Variants in CDH1 observed in about 807,000 individuals in gnomAD.
CDH1 encodes cadherin-1.
In CDH1, 35 loss-of-function variants were observed where a neutral mutation model predicts 84.5. That is an observed-to-expected ratio of 0.41 (90% CI 0.32 to 0.55). The LOEUF (loss-of-function observed/expected upper bound fraction) is 0.55. Ranked by LOEUF, CDH1 falls within the 20% of genes least tolerant of loss-of-function variation. The pLI, the probability that CDH1 is intolerant of heterozygous loss-of-function variation, is 0.19. For missense variants in CDH1, 994 were observed against 1,126.6 expected, an observed-to-expected ratio of 0.88 and a Z score of 1.68; for synonymous variants, 417 against 439.0, an observed-to-expected ratio of 0.95 and a Z score of 0.63.
intron 2 of CDH1, among the ~76,000 whole-genome samples, chr16:68,752,623 A>G (rs1962913342): frequency 6.6e-6 from 1 of 152,072 alleles, no homozygotes; most frequent in South Asian, 2.1e-4. Context: ...GGCTTTATGT[A>G]TTAGCCACAG....
At chr16:68,803,187 T>G (rs1023858774) in intron 3 of CDH1, among the ~76,000 whole-genome samples, 9 of 152,192 alleles carry the variant, frequency 5.9e-5, no homozygotes, top group East Asian at 3.8e-4. Context: ...CTGAAGACTC[T>G]TGATATTCTT....
chr16:68,821,936 G>T (rs980163774), intron 11 of CDH1, 65 bp from the exon 12 acceptor site: 1 of 1,276,412 alleles, frequency 7.8e-7, no homozygotes, highest in Non-Finnish European at 1.1e-6. Flanking sequence ...ACTTGGTCTG[G>T]TGGAAGGCAA....
rs889358029 is a variant in CDH1, at chr16:68,823,992, C to CTTT, written c.2164+386_2164+388dup. On this transcript the variant is annotated intron_variant, in intron 13 of 15. Coordinates refer to ENST00000261769, the MANE Select transcript of CDH1 (RefSeq NM_004360.5). ...GCATAGGGCCACAGATTCTGCATTT[C>CTTT]TTTTTTTTTTTTTTTTTTTTTTGAG... Among the ~76,000 whole-genome samples, 360 of 99,864 alleles carry CTTT rather than the reference C, an allele frequency of 3.6e-3. 22 individuals are homozygous for CTTT. The highest frequency in any genetic ancestry group is 0.013 in the African/African-American group (302 of 23,902). The allele number at this position is 99,864 out of a possible 152,430, so 65.5% of individuals were successfully genotyped here. A position where few individuals can be genotyped will look rare whatever the true frequency, so the allele number is the denominator to read the frequency against.
intron 2 of CDH1, among the ~76,000 whole-genome samples, chr16:68,794,740 G>A (rs1183002261): frequency 6.8e-6 from 1 of 146,060 alleles, no homozygotes; most frequent in African/African-American, 2.5e-5. Context: ...AGGCTGGAGT[G>A]CAGTGGCACG....
chr16:68,803,131 A>G (rs1464718116), intron 3 of CDH1, among the ~76,000 whole-genome samples: 3 of 152,034 alleles, frequency 2.0e-5, no homozygotes, highest in African/African-American at 7.2e-5. Flanking sequence ...CGTGTGGAAT[A>G]TGTTGTAAGT....
At chr16:68,779,187 C>T (rs2152121735) in intron 2 of CDH1, among the ~76,000 whole-genome samples, 1 of 152,332 alleles carries the variant, frequency 6.6e-6, no homozygotes, top group Middle Eastern at 3.4e-3. Context: ...AGCCTTCCAC[C>T]TGCAGTGCGG....
chr16:68,787,440 C>G lies in CDH1; in HGVS notation c.164-14230C>G, dbSNP rs561600796. Among the ~76,000 whole-genome samples, 4 of 152,248 alleles carry G rather than the reference C, an allele frequency of 2.6e-5. No individual in the cohort carries two copies. In the East Asian group the frequency reaches 7.7e-4, roughly 29 times the overall value. ...GTCAATGTAAAGTTCACAGTGCCCA[C>G]ACGTAATGACTGTCATAGTGAATAT... On this transcript the variant is annotated intron_variant, in intron 2 of 15. Transcript: ENST00000261769.
At position 68,786,106 on chromosome 16, in the gene CDH1, C is replaced by G. The variant is rs1960037783; in HGVS notation, c.164-15564C>G. ...CTCCAGTGTATGCCAGAGTCAGATT[C>G]TGGCACCTGTGGGTCACTCTTCTTC... On this transcript the variant is annotated intron_variant, in intron 2 of 15. Transcript: ENST00000261769. Among the ~76,000 whole-genome samples the G allele has an allele frequency of 3.3e-5, 5 of 152,212 alleles. No homozygotes were observed. The South Asian group carries it at 1.0e-3, about 32-fold the overall frequency.
Position 68,835,011 on chromosome 16 carries a change from C to G in CDH1, c.*1512C>G. On this transcript the variant is annotated 3_prime_UTR_variant, in exon 16 of 16. Transcript: ENST00000261769. ...TGACACAAGATCCGTGGTTTGTACT[C>G]AAAGCCCAGAATCCCCAAGTGCCTG... is the stretch of plus-strand genomic sequence containing the variant. The G allele has an allele frequency of 4.3e-6, 1 of 232,166 alleles. No homozygotes were observed. The highest frequency in any genetic ancestry group is 6.0e-5 in the East Asian group (1 of 16,530). The allele number at this position is 232,166 out of a possible 1,614,324, so 14.4% of individuals were successfully genotyped here. A position where few individuals can be genotyped will look rare whatever the true frequency, so the allele number is the denominator to read the frequency against.
intron 2 of CDH1, among the ~76,000 whole-genome samples, chr16:68,773,545 C>T (rs903446669): frequency 1.3e-5 from 2 of 152,184 alleles, no homozygotes; most frequent in East Asian, 3.8e-4. Flanking sequence ...GTGATCTGCC[C>T]GCCCTGGCCT....
chr16:68,834,982 T>C lies in CDH1; in HGVS notation c.*1483T>C. 1 of 232,256 alleles carries C rather than the reference T, an allele frequency of 4.3e-6. No individual in the cohort carries two copies. The highest frequency in any genetic ancestry group is 6.1e-5 in the East Asian group (1 of 16,498). The allele number at this position is 232,256 out of a possible 1,614,324, so 14.4% of individuals were successfully genotyped here. ...AGGAATGGAGGAGTCTCAACATGTG[T>C]TTCTGACACAAGATCCGTGGTTTGT... On this transcript the variant is annotated 3_prime_UTR_variant, in exon 16 of 16. Coordinates refer to ENST00000261769, the MANE Select transcript of CDH1 (RefSeq NM_004360.5).
chr16:68,765,398 G>C (rs921094978), intron 2 of CDH1: 3 of 152,130 alleles, frequency 2.0e-5, no homozygotes, highest in Non-Finnish European at 4.4e-5. Flanking sequence ...ATGTTGGCCA[G>C]GATGGTCTCG....
chr16:68,738,485 C>A, intron 2 of CDH1, 74 bp downstream of exon 2: 1 of 1,031,686 alleles, frequency 9.7e-7, no homozygotes, highest in Non-Finnish European at 1.4e-6. Flanking sequence ...TGCACTCCCA[C>A]ACCCCTGGGT....
chr16:68,763,642 C>A (rs192581299), intron 2 of CDH1: 1 of 152,298 alleles, frequency 6.6e-6, no homozygotes, highest in East Asian at 1.9e-4. Context: ...GGCCCTCCTC[C>A]CCCACTTCTG....
chr16:68,834,004 T>C lies in CDH1; in HGVS notation c.*505T>C. 3.0e-6 allele frequency: 1 copy of C among 334,938 alleles called. No individual in the cohort carries two copies. Among genetic ancestry groups the C allele is most frequent in the East Asian group, 5.3e-5 (1 of 18,708 alleles). 20.7% of individuals were successfully genotyped at this position (334,938 alleles called of 1,614,324 possible). Reference sequence around the variant, plus strand: ...CAGGGTCTCATTCTATCGGCCAGGCTGGAGTGCAGTGGTGCAATCACAGCT... The same window carrying C: ...CAGGGTCTCATTCTATCGGCCAGGCCGGAGTGCAGTGGTGCAATCACAGCT... On this transcript the variant is annotated 3_prime_UTR_variant, in exon 16 of 16. Coordinates refer to ENST00000261769, the MANE Select transcript of CDH1 (RefSeq NM_004360.5).
At chr16:68,767,818 G>T (rs1959433475) in intron 2 of CDH1, among the ~76,000 whole-genome samples, 1 of 152,128 alleles carries the variant, frequency 6.6e-6, no homozygotes, top group Admixed American at 6.6e-5. Context: ...AGGAGAGCCG[G>T]GTGTGGTAGT....
chr16:68,806,904 G>A (rs373557754), intron 3 of CDH1, among the ~76,000 whole-genome samples: 1 of 152,146 alleles, frequency 6.6e-6, no homozygotes, highest in African/African-American at 2.4e-5. Flanking sequence ...TTGGGGAAGG[G>A]CTCTGTGATG....
At position 68,810,329 on chromosome 16, in the gene CDH1, G is replaced by A. The variant is rs781513008; in HGVS notation, c.820G>A (p.Gly274Ser). 85 of 1,613,982 alleles carry A rather than the reference G, an allele frequency of 5.3e-5. 1 individual carries two copies. The South Asian group carries it at 9.2e-4, about 18-fold the overall frequency. Reference protein sequence around the residue: ...QEVFKGSVMEGALPGTSVMEV... With the variant: ...QEVFKGSVMESALPGTSVMEV... ...GGTCTTTAAGGGGTCTGTCATGGAA[G>A]GTGCTCTTCCAGGTATATCCACTAA... Residue 274 changes from glycine (G) to serine (S), a missense_variant, in exon 6 of 16, where the codon GGT (glycine) becomes AGT (serine). Coordinates refer to ENST00000261769, the MANE Select transcript of CDH1 (RefSeq NM_004360.5).
intron 9 of CDH1, among the ~76,000 whole-genome samples, chr16:68,814,965 T>C (rs1221078912): frequency 6.7e-6 from 1 of 149,970 alleles, no homozygotes; most frequent in Non-Finnish European, 1.5e-5. Flanking sequence ...GTTGCTGATG[T>C]CTGTAATCCC....
Sources: gnomAD v4.1 joint callset for allele counts (sites outside exome capture counted in the v4.1 genomes callset) on GRCh38, gnomAD v4.1.1 for gene constraint, MANE v1.5 for transcripts, NCBI Gene and HGNC (gene_info 2026-07-23, HGNC 2026-07-21) for gene names.